The following AGBL4 variants were observed in gnomAD, a reference collection of about 807,000 sequenced individuals.
AGBL4 encodes the protein cytosolic carboxypeptidase 6.
Under a neutral mutation model 66.4 loss-of-function variants are expected in AGBL4, and 58 were observed. The observed-to-expected ratio is 0.87, with a 90% CI of 0.71 to 1.09. The LOEUF (loss-of-function observed/expected upper bound fraction) is 1.09. AGBL4 is among the 50% of genes least tolerant of loss of function. The pLI, the probability that AGBL4 is intolerant of heterozygous loss-of-function variation, is 0.00. For missense variants in AGBL4, 579 were observed against 631.0 expected (o/e 0.92, Z 0.88); for synonymous variants, 234 against 222.9 (o/e 1.05, Z -0.44).
intron 6 of AGBL4, among the ~76,000 whole-genome samples, chr1:48,670,156 C>G (rs1010974826): frequency 1.3e-5 from 2 of 152,212 alleles, no homozygotes; most frequent in African/African-American, 4.8e-5. Context: ...CCTATCTTCA[C>G]AAATGGTGTC....
intron 3 of AGBL4, among the ~76,000 whole-genome samples, chr1:49,258,157 C>T (rs933196263): frequency 3.9e-5 from 6 of 152,168 alleles, no homozygotes; most frequent in Non-Finnish European, 7.3e-5. Context: ...CCCATCTGTA[C>T]ATCACCATCA....
intron 11 of AGBL4, among the ~76,000 whole-genome samples, chr1:48,566,519 AC>A (rs1644478214): frequency 6.6e-6 from 1 of 152,236 alleles, no homozygotes; most frequent in Non-Finnish European, 1.5e-5. Context: ...CCCAAGCTCT[AC>A]CACTGTGATG....
intron 1 of AGBL4, among the ~76,000 whole-genome samples, chr1:49,917,151 T>C (rs1346611700): frequency 6.6e-6 from 1 of 152,042 alleles, no homozygotes; most frequent in African/African-American, 2.4e-5. Context: ...ATAAACACCA[T>C]TGATGCTAGG....
At chr1:48,818,248 G>A (rs1157438651) in intron 6 of AGBL4, 2 of 717,358 alleles carry the variant, frequency 2.8e-6, no homozygotes, top group Non-Finnish European at 5.2e-6. Flanking sequence ...AATTACAAAG[G>A]CTGTAATTTG....
intron 3 of AGBL4, among the ~76,000 whole-genome samples, chr1:49,349,975 G>T (rs1460291213): frequency 1.3e-5 from 2 of 152,198 alleles, no homozygotes; most frequent in East Asian, 1.9e-4. Flanking sequence ...TGACACATTG[G>T]TCTCAAGATT....
At chr1:49,006,045 G>C (rs1661764943) in intron 5 of AGBL4, among the ~76,000 whole-genome samples, 3 of 152,076 alleles carry the variant, frequency 2.0e-5, no homozygotes, top group Non-Finnish European at 4.4e-5. Context: ...AATAGGAACA[G>C]CTCGGGTCTA....
At chr1:50,017,776 T>C (rs1662103107) in intron 1 of AGBL4, among the ~76,000 whole-genome samples, 1 of 152,108 alleles carries the variant, frequency 6.6e-6, no homozygotes, top group African/African-American at 2.4e-5. Context: ...AAACCACCTG[T>C]TGGATACTAT....
chr1:48,843,411 G>C (rs1318664031), intron 6 of AGBL4, among the ~76,000 whole-genome samples: 1 of 151,978 alleles, frequency 6.6e-6, no homozygotes, highest in Non-Finnish European at 1.5e-5. Flanking sequence ...AAGTTCAAAA[G>C]ATCTTTTTGT....
chr1:48,636,088 T>C (rs1645663574), intron 8 of AGBL4, among the ~76,000 whole-genome samples: 1 of 152,252 alleles, frequency 6.6e-6, no homozygotes. Flanking sequence ...TGATGAATAC[T>C]ATAATCCCTA....
At chr1:48,809,639 C>T (rs1389813692) in intron 6 of AGBL4, among the ~76,000 whole-genome samples, 2 of 152,140 alleles carry the variant, frequency 1.3e-5, no homozygotes, top group African/African-American at 4.8e-5. Flanking sequence ...CAGCAAACCA[C>T]ATGTGATTAT....
At chr1:49,920,255 A>C (rs1304915132) in intron 1 of AGBL4, among the ~76,000 whole-genome samples, 3 of 148,062 alleles carry the variant, frequency 2.0e-5, no homozygotes, top group East Asian at 2.0e-4. Flanking sequence ...TAATTAAACT[A>C]AAGAGCTTCT....
intron 2 of AGBL4, among the ~76,000 whole-genome samples, chr1:49,841,054 A>G (rs1470792539): frequency 6.6e-6 from 1 of 152,212 alleles, no homozygotes; most frequent in Non-Finnish European, 1.5e-5. Context: ...GAACAGAAGA[A>G]ATTAAACTAT....
At chr1:48,605,505 C>T (rs1014383344) in intron 9 of AGBL4, among the ~76,000 whole-genome samples, 14 of 152,206 alleles carry the variant, frequency 9.2e-5, no homozygotes, top group African/African-American at 1.4e-4. Flanking sequence ...GGCTTCCCTA[C>T]GCCATGTCCT....
At position 49,509,495 on chromosome 1, in the gene AGBL4, C is replaced by A. The variant is rs146217641; in HGVS notation, c.282+187818G>T. Among the ~76,000 whole-genome samples the A allele has an allele frequency of 9.2e-4, 139 of 151,722 alleles. 1 individual carries two copies. The highest frequency in any genetic ancestry group is 3.1e-3 in the African/African-American group (129 of 41,396). On this transcript the variant is annotated intron_variant, in intron 3 of 13. Transcript: ENST00000371839. ...GTTATAAAAACATGTGTCTCTTATT[C>A]CAAAGACCACTCTTTATAACTAATG... is the stretch of plus-strand genomic sequence containing the variant.
rs1313513592 is a variant in AGBL4 at position 49,045,755 on chromosome 1, G to A, written c.423C>T (p.Asp141=). 7.7e-6 allele frequency: 12 copies of A among 1,551,716 alleles called. No homozygotes were observed. Among genetic ancestry groups the A allele is most frequent in the South Asian group, 1.2e-5 (1 of 84,058 alleles). Residue 141 remains aspartate (D), a synonymous_variant, in exon 5 of 14, where the codon GAC becomes GAT. Coordinates refer to ENST00000371839, the MANE Select transcript of AGBL4 (RefSeq NM_032785.4). ...PKNVYYYRCP[D]HRKNYVMSFA... is the part of the protein sequence containing the mutation. ...AGGACATCACATAGTTCTTCCTATG[G>A]TCCGGGCAGCGGTAGTAGTAAACAT...
chr1:48,767,484 A>G (rs1203650614), intron 6 of AGBL4, among the ~76,000 whole-genome samples: 1 of 152,230 alleles, frequency 6.6e-6, no homozygotes, highest in East Asian at 1.9e-4. Context: ...AGCAAGACGG[A>G]TAAGACGTGA....
chr1:49,703,472 T>A (rs1471207697), intron 2 of AGBL4, among the ~76,000 whole-genome samples: 1 of 151,750 alleles, frequency 6.6e-6, no homozygotes, highest in African/African-American at 2.4e-5. Flanking sequence ...ACCTTAAGAT[T>A]ATTTCAGTAG....
intron 11 of AGBL4, among the ~76,000 whole-genome samples, chr1:48,550,866 C>A (rs1446596173): frequency 3.3e-5 from 5 of 152,186 alleles, no homozygotes; most frequent in Non-Finnish European, 1.5e-5. Context: ...GTGCTTTTTG[C>A]TGGCATTATT....
At chr1:49,693,845 G>T (rs1186128528) in intron 3 of AGBL4, among the ~76,000 whole-genome samples, 1 of 152,024 alleles carries the variant, frequency 6.6e-6, no homozygotes, top group African/African-American at 2.4e-5. Flanking sequence ...GCTCTCAGCT[G>T]CATTAATACA....
Sources: allele counts gnomAD v4.1 joint callset (sites outside exome capture counted in the v4.1 genomes callset), GRCh38; gene constraint gnomAD v4.1.1; transcripts MANE v1.5; gene names NCBI Gene and HGNC (gene_info 2026-07-23, HGNC 2026-07-21).